Variants in AGBL1 observed in about 807,000 individuals in gnomAD.
AGBL1 encodes cytosolic carboxypeptidase 4.
In AGBL1, 130 loss-of-function variants were observed where a neutral mutation model predicts 118.9. The ratio of observed to expected loss-of-function variants is 1.09; its 90% CI spans 0.95 to 1.26. The LOEUF (loss-of-function observed/expected upper bound fraction) is 1.26. Ranked by LOEUF, AGBL1 falls within the 50% of genes most tolerant of loss-of-function variation. The probability of loss-of-function intolerance (pLI) is 0.00; values close to 1 mark genes in which losing one functional copy is unlikely to be tolerated. For missense variants in AGBL1, 1,584 were observed against 1,298.1 expected (o/e 1.22, Z -3.38); for synonymous variants, 555 against 478.9 (o/e 1.16, Z -2.08).
chr15:86,133,671 C>T (rs925539226), intron 1 of AGBL1, among the ~76,000 whole-genome samples: 4 of 152,100 alleles, frequency 2.6e-5, no homozygotes, highest in Admixed American at 6.6e-5. Context: ...CCCTTTTTAC[C>T]GAGGAGGATC....
At chr15:86,330,141 A>C (rs371977917) in intron 17 of AGBL1, among the ~76,000 whole-genome samples, 1 of 152,168 alleles carries the variant, frequency 6.6e-6, no homozygotes, top group East Asian at 1.9e-4. Flanking sequence ...CCTCCCTGGG[A>C]GCTGAGCAGG....
intron 22 of AGBL1, among the ~76,000 whole-genome samples, chr15:86,688,973 A>T (rs1349443385): frequency 6.6e-6 from 1 of 151,964 alleles, no homozygotes; most frequent in South Asian, 2.1e-4. Context: ...GTATGTACTC[A>T]TTTTCCATTT....
chr15:86,135,686 A>T (rs1025202375), intron 1 of AGBL1, among the ~76,000 whole-genome samples: 4 of 152,134 alleles, frequency 2.6e-5, no homozygotes, highest in Non-Finnish European at 5.9e-5. Flanking sequence ...ATGAGTCAAA[A>T]ATCTTGCTCT....
At chr15:86,771,560 C>T (rs2078181489) in intron 22 of AGBL1, among the ~76,000 whole-genome samples, 1 of 151,948 alleles carries the variant, frequency 6.6e-6, no homozygotes, top group Non-Finnish European at 1.5e-5. Flanking sequence ...TACCCCTAAC[C>T]CCCGTATTTC....
At chr15:86,100,803 T>C (rs555524659) in intron 1 of AGBL1, among the ~76,000 whole-genome samples, 14 of 152,204 alleles carry the variant, frequency 9.2e-5, no homozygotes, top group African/African-American at 3.1e-4. Flanking sequence ...ATTTTACTTA[T>C]CTTTCAAAAA....
At chr15:86,876,237 A>C (rs2347452) in intron 22 of AGBL1, among the ~76,000 whole-genome samples, 128,510 of 152,090 alleles carry the variant, frequency 0.84, 54,570 homozygotes, top group East Asian at 0.93. Flanking sequence ...AGAGTCTCAA[A>C]CACAAGGGAA....
At chr15:87,011,036 A>AG (rs2081554346) in intron 24 of AGBL1, among the ~76,000 whole-genome samples, 1 of 152,204 alleles carries the variant, frequency 6.6e-6, no homozygotes, top group African/African-American at 2.4e-5. Context: ...GTGCAGATAA[A>AG]CTAAATTTTG....
At chr15:86,537,927 G>A (rs904029885) in intron 19 of AGBL1, among the ~76,000 whole-genome samples, 5 of 152,132 alleles carry the variant, frequency 3.3e-5, no homozygotes, top group African/African-American at 1.2e-4. Flanking sequence ...TACTAGAAGG[G>A]CATTAGATAC....
At chr15:86,266,968 C>T (rs1468016067) in intron 12 of AGBL1, 22 bp from the exon 13 acceptor site, 11 of 1,513,338 alleles carry the variant, frequency 7.3e-6, no homozygotes, top group Non-Finnish European at 9.9e-6. Flanking sequence ...CATATGTTCA[C>T]ATGTTCCTTA....
chr15:86,869,410 G>T (rs1046195500), intron 22 of AGBL1, among the ~76,000 whole-genome samples: 8 of 152,142 alleles, frequency 5.3e-5, no homozygotes, highest in African/African-American at 1.9e-4. Flanking sequence ...AATAATCATG[G>T]TCATTTTCAG....
chr15:86,986,068 T>A (rs2081279268), intron 23 of AGBL1, among the ~76,000 whole-genome samples: 1 of 151,962 alleles, frequency 6.6e-6, no homozygotes, highest in African/African-American at 2.4e-5. Flanking sequence ...GGATTATAGG[T>A]GCCTGCCACC....
intron 19 of AGBL1, among the ~76,000 whole-genome samples, chr15:86,527,336 A>G (rs1474214723): frequency 6.6e-6 from 1 of 152,234 alleles, no homozygotes; most frequent in East Asian, 1.9e-4. Context: ...ATTTTAAAGC[A>G]TGACAGGTGA....
At chr15:86,257,223 T>C (rs1353285245) in intron 8 of AGBL1, among the ~76,000 whole-genome samples, 1 of 152,338 alleles carries the variant, frequency 6.6e-6, no homozygotes, top group Non-Finnish European at 1.5e-5. Flanking sequence ...AGCTCGCTTA[T>C]TTTGTTCTTC....
At chr15:86,608,172 C>G (rs1393953259) in intron 21 of AGBL1, among the ~76,000 whole-genome samples, 3 of 152,154 alleles carry the variant, frequency 2.0e-5, no homozygotes, top group Admixed American at 2.0e-4. Context: ...TCCAGAACAG[C>G]TTTATCCCTT....
chr15:86,784,420 C>T (rs1269227759), intron 22 of AGBL1, among the ~76,000 whole-genome samples: 2 of 152,202 alleles, frequency 1.3e-5, no homozygotes, highest in Non-Finnish European at 2.9e-5. Context: ...TATTCTCTGC[C>T]CCACTGGTTT....
At chr15:86,944,914 A>G (rs1196102769) in intron 23 of AGBL1, among the ~76,000 whole-genome samples, 3 of 152,210 alleles carry the variant, frequency 2.0e-5, no homozygotes, top group Admixed American at 1.3e-4. Context: ...TTACAGTAGG[A>G]CAACGGCTGT....
intron 22 of AGBL1, among the ~76,000 whole-genome samples, chr15:86,750,547 C>T (rs2077834255): frequency 6.6e-6 from 1 of 151,816 alleles, no homozygotes; most frequent in Non-Finnish European, 1.5e-5. Context: ...CTGGCAGGAA[C>T]ATTCATTGGC....
At chr15:86,525,903 A>G (rs1266384599) in intron 19 of AGBL1, among the ~76,000 whole-genome samples, 1 of 152,226 alleles carries the variant, frequency 6.6e-6, no homozygotes, top group Non-Finnish European at 1.5e-5. Context: ...TTGCATGGCA[A>G]AAGAAATAAC....
chr15:86,381,673 T>A (rs1468034436), intron 17 of AGBL1, among the ~76,000 whole-genome samples: 2 of 152,042 alleles, frequency 1.3e-5, no homozygotes, highest in African/African-American at 4.8e-5. Context: ...AAGAAGGAAA[T>A]CCCAGAATGG....
Sources: gnomAD v4.1 joint callset for allele counts (sites outside exome capture counted in the v4.1 genomes callset) on GRCh38, gnomAD v4.1.1 for gene constraint, MANE v1.5 for transcripts, NCBI Gene and HGNC (gene_info 2026-07-23, HGNC 2026-07-21) for gene names.